Variants in RARB observed in about 807,000 individuals in gnomAD.
RARB encodes retinoic acid receptor beta, also known as HBV-activated protein.
A neutral mutation model predicts 51.9 loss-of-function variants in RARB; 17 were observed. The observed-to-expected ratio is 0.33, with a 90% CI of 0.22 to 0.49. The LOEUF is 0.49. Among genes scored for constraint, RARB ranks in the 20% least tolerant of loss-of-function variants. RARB has a pLI of 0.99. For synonymous variants in RARB, 215 were observed against 195.4 expected, an observed-to-expected ratio of 1.10 and a Z score of -0.84; for missense variants, 369 against 550.8, an observed-to-expected ratio of 0.67 and a Z score of 3.30.
intron 3 of RARB, among the ~76,000 whole-genome samples, chr3:25,065,637 C>T (rs186868395): frequency 6.6e-6 from 1 of 152,302 alleles, no homozygotes; most frequent in Non-Finnish European, 1.5e-5. Flanking sequence ...GACTATTTTT[C>T]TTATCACAGT....
chr3:25,478,917 T>C (rs1696095694), intron 2 of RARB, among the ~76,000 whole-genome samples: 1 of 152,322 alleles, frequency 6.6e-6, no homozygotes, highest in East Asian at 1.9e-4. Flanking sequence ...GTTTTCAGGG[T>C]GCTGCCTGCC....
intron 5 of RARB, among the ~76,000 whole-genome samples, chr3:25,354,235 C>A (rs1682569877): frequency 6.6e-6 from 1 of 152,104 alleles, no homozygotes; most frequent in Non-Finnish European, 1.5e-5. Flanking sequence ...GGAACTTTCT[C>A]ATGCTTTTGC....
intron 5 of RARB, among the ~76,000 whole-genome samples, chr3:25,409,838 T>C (rs1317445057): frequency 6.6e-6 from 1 of 152,242 alleles, no homozygotes; most frequent in Non-Finnish European, 1.5e-5. Context: ...TTTTGTACAA[T>C]GGTGTCTTAC....
intron 2 of RARB, among the ~76,000 whole-genome samples, chr3:24,883,697 C>T (rs896180219): frequency 6.6e-6 from 1 of 151,780 alleles, no homozygotes; most frequent in South Asian, 2.1e-4. Flanking sequence ...ATAATAGAAC[C>T]CCTCAGAGAA....
chr3:25,244,667 G>A (rs1702513270), intron 5 of RARB, among the ~76,000 whole-genome samples: 1 of 152,142 alleles, frequency 6.6e-6, no homozygotes, highest in African/African-American at 2.4e-5. Flanking sequence ...TTACACTGTG[G>A]TCTGAGAGAG....
chr3:25,112,970 C>G (rs926387402), intron 3 of RARB, among the ~76,000 whole-genome samples: 1 of 152,082 alleles, frequency 6.6e-6, no homozygotes, highest in Non-Finnish European at 1.5e-5. Flanking sequence ...TAGTATAGAT[C>G]TGATTTTGTG....
At chr3:25,239,441 T>G (rs953383701) in intron 5 of RARB, among the ~76,000 whole-genome samples, 1 of 152,178 alleles carries the variant, frequency 6.6e-6, no homozygotes, top group Non-Finnish European at 1.5e-5. Flanking sequence ...TTGGGTGTTA[T>G]GTTTAAGTCT....
intron 2 of RARB, among the ~76,000 whole-genome samples, chr3:24,868,487 A>G (rs964228613): frequency 6.6e-5 from 10 of 152,166 alleles, no homozygotes; most frequent in Non-Finnish European, 1.2e-4. Context: ...ACAAAAAAAA[A>G]TGTTAAGGCT....
At chr3:24,918,789 G>A (rs778576386) in intron 2 of RARB, among the ~76,000 whole-genome samples, 1 of 152,168 alleles carries the variant, frequency 6.6e-6, no homozygotes. Context: ...TACCCAGGAG[G>A]CTGAGGCAGG....
chr3:24,963,257 C>A (rs1344476482), intron 2 of RARB, among the ~76,000 whole-genome samples: 1 of 151,808 alleles, frequency 6.6e-6, no homozygotes, highest in Non-Finnish European at 1.5e-5. Context: ...AAGCTCTGGG[C>A]AAGTTCCTTT....
At chr3:25,170,606 G>A (rs145294135) in intron 4 of RARB, among the ~76,000 whole-genome samples, 1 of 152,058 alleles carries the variant, frequency 6.6e-6, no homozygotes, top group African/African-American at 2.4e-5. Flanking sequence ...TTGAATTGTC[G>A]AGAAGTATAA....
chr3:25,023,734 T>G (rs1697685851), intron 2 of RARB, among the ~76,000 whole-genome samples: 7 of 152,216 alleles, frequency 4.6e-5, no homozygotes, highest in Admixed American at 4.6e-4. Context: ...AGTGGAAGTT[T>G]CTTCTGTGAG....
chr3:24,953,370 T>C (rs895085970), intron 2 of RARB, among the ~76,000 whole-genome samples: 1 of 152,198 alleles, frequency 6.6e-6, no homozygotes, highest in Non-Finnish European at 1.5e-5. Flanking sequence ...ACCTGATTTA[T>C]TTTCTAAAAT....
chr3:25,398,248 C>A (rs1404629550), intron 5 of RARB, among the ~76,000 whole-genome samples: 2 of 152,054 alleles, frequency 1.3e-5, no homozygotes, highest in East Asian at 1.9e-4. Flanking sequence ...AACTCTAGGC[C>A]ACGGTTTCAA....
intron 2 of RARB, among the ~76,000 whole-genome samples, chr3:24,993,339 T>C (rs974187264): frequency 2.0e-5 from 3 of 152,156 alleles, no homozygotes; most frequent in African/African-American, 7.2e-5. Context: ...CTTATTAATA[T>C]GGCATTTTGT....
chr3:24,934,019 G>T (rs1216417672), intron 2 of RARB, among the ~76,000 whole-genome samples: 1 of 152,064 alleles, frequency 6.6e-6, no homozygotes, highest in Non-Finnish European at 1.5e-5. Flanking sequence ...GTTTTGTTTT[G>T]TTTTCTTAAG....
intron 2 of RARB, among the ~76,000 whole-genome samples, chr3:24,928,138 A>G (rs1394912131): frequency 6.6e-6 from 1 of 152,032 alleles, no homozygotes; most frequent in African/African-American, 2.4e-5. Context: ...TTTGAGGTCT[A>G]AGTGGGTTTA....
chr3:25,086,322 C>G (rs984040041), intron 3 of RARB, among the ~76,000 whole-genome samples: 3 of 152,122 alleles, frequency 2.0e-5, no homozygotes, highest in Non-Finnish European at 1.5e-5. Context: ...TTCAGATGTT[C>G]AATACATCTT....
At chr3:24,953,134 A>T (rs73034831) in intron 2 of RARB, among the ~76,000 whole-genome samples, 3 of 152,176 alleles carry the variant, frequency 2.0e-5, no homozygotes, top group Non-Finnish European at 1.5e-5. Context: ...GCACGTAGAT[A>T]AAAGAGTTCA....
Sources: gnomAD v4.1 joint callset for allele counts (sites outside exome capture counted in the v4.1 genomes callset) on GRCh38, gnomAD v4.1.1 for gene constraint, MANE v1.5 for transcripts, NCBI Gene and HGNC (gene_info 2026-07-23, HGNC 2026-07-21) for gene names.